Variants in AKT2 observed in about 807,000 individuals in gnomAD.
AKT2 encodes AKT serine/threonine kinase 2.
Under a neutral mutation model 58.6 loss-of-function variants are expected in AKT2, and 16 were observed. The ratio of observed to expected loss-of-function variants is 0.27; its 90% confidence interval spans 0.18 to 0.41. The LOEUF is 0.41. AKT2 is among the 10% of genes least tolerant of loss of function. The probability of loss-of-function intolerance (pLI) is 1.00; values close to 1 mark genes in which losing one functional copy is unlikely to be tolerated. For missense variants in AKT2, 438 were observed against 661.0 expected, an observed-to-expected ratio of 0.66 and a Z score of 3.70; for synonymous variants, 253 against 254.0, an observed-to-expected ratio of 1.00 and a Z score of 0.04.
chr19:40,236,928 G>A lies in AKT2; in HGVS notation c.832-543C>T, dbSNP rs756549821. On this transcript the variant is annotated intron_variant, in intron 9 of 13. Coordinates refer to ENST00000392038, the MANE Select transcript of AKT2 (RefSeq NM_001626.6). ...CACACCTATAGTCCCAGCTACTTGC[G>A]AGGCTGAGGTGGCATCTCCCCCTGG... is the stretch of plus-strand genomic sequence containing the variant. The A allele has an allele frequency of 3.9e-5, 7 of 180,736 alleles. No individual in the cohort carries two copies. The East Asian group carries it at 7.7e-4, about 20-fold the overall frequency. 11.2% of individuals were successfully genotyped at this position (180,736 alleles called of 1,614,324 possible).
At chr19:40,253,844 G>T (rs991781065) in intron 4 of AKT2, among the ~76,000 whole-genome samples, 5 of 151,726 alleles carry the variant, frequency 3.3e-5, no homozygotes, top group African/African-American at 1.2e-4. Flanking sequence ...CTTGGGACAC[G>T]CATGTCCAAC....
chr19:40,266,806 T>A (rs1976389773), intron 1 of AKT2, among the ~76,000 whole-genome samples: 2 of 152,040 alleles, frequency 1.3e-5, no homozygotes, highest in South Asian at 4.1e-4. Flanking sequence ...TACAAAAAAA[T>A]TAAAAATTAA....
intron 1 of AKT2, chr19:40,275,084 G>T (rs1309929494): frequency 2.2e-6 from 1 of 456,760 alleles, no homozygotes; most frequent in Non-Finnish European, 4.4e-6. Flanking sequence ...CCGAGGATGG[G>T]AGAGATTCGG....
chr19:40,276,310 T>C (rs1418717404), intron 1 of AKT2, among the ~76,000 whole-genome samples: 1 of 144,174 alleles, frequency 6.9e-6, no homozygotes, highest in Admixed American at 7.1e-5. Context: ...AGGTCACTTC[T>C]CTGAACCTCA....
chr19:40,245,140 A>T (rs1000286260), intron 4 of AKT2, among the ~76,000 whole-genome samples: 7 of 152,208 alleles, frequency 4.6e-5, no homozygotes, highest in Non-Finnish European at 7.3e-5. Context: ...CGTGAGGTAG[A>T]ATGCCTGTGA....
chr19:40,249,543 T>C (rs1277072434), intron 4 of AKT2, among the ~76,000 whole-genome samples: 1 of 152,154 alleles, frequency 6.6e-6, no homozygotes, highest in East Asian at 1.9e-4. Flanking sequence ...AGGGCTGTCC[T>C]TCATGCACAA....
rs774730543 is a variant in AKT2 at position 40,236,110 on chromosome 19, G to A, written c.961-6C>T. On this transcript the variant is annotated splice_region_variant and splice_polypyrimidine_tract_variant and intron_variant, in intron 10 of 13. Coordinates refer to ENST00000392038, the MANE Select transcript of AKT2 (RefSeq NM_001626.6). ...TAGTCATTGTCCTCCAGCACCTGAG[G>A]ATGGAGGAGAAATGAGGGCTGGGCC... The A allele has an allele frequency of 9.9e-6, 16 of 1,613,908 alleles. No homozygotes were observed. Among genetic ancestry groups the A allele is most frequent in the Non-Finnish European group, 1.4e-5 (16 of 1,180,018 alleles).
Position 40,230,652 on chromosome 19 carries a change from G to A in AKT2, c.*3220C>T, listed in dbSNP as rs919919351. ...CCAAAATGAGTACTCAAGGCCCTGC[G>A]ACCTCGGGTGAATTTCCTTTCTTAT... On this transcript the variant is annotated 3_prime_UTR_variant, in exon 14 of 14. Transcript: ENST00000392038. 1.3e-5 allele frequency: 3 copies of A among 224,332 alleles called. No individual in the cohort carries two copies. Among genetic ancestry groups the A allele is most frequent in the African/African-American group, 4.5e-5 (2 of 44,758 alleles). The allele number at this position is 224,332 out of a possible 1,614,324, so 13.9% of individuals were successfully genotyped here. A position where few individuals can be genotyped will look rare whatever the true frequency, so the allele number is the denominator to read the frequency against.
In AKT2 at chr19:40,238,848, C is replaced by T. The variant is rs890733257; in HGVS notation, c.708+57G>A. 1.0e-5 allele frequency: 16 copies of T among 1,566,554 alleles called. No homozygotes were observed. The East Asian group carries it at 1.1e-4, about 11-fold the overall frequency. The stretch of plus-strand genomic sequence containing the variant: ...TCTCACCCACAGCTCCTCTCCATCC[C>T]GCCCCACCCTAAAGAAGGAGGCCCC... On this transcript the variant is annotated intron_variant, in intron 8 of 13. Coordinates refer to ENST00000392038, the MANE Select transcript of AKT2 (RefSeq NM_001626.6). This position sits in a 1 kb window ranked among gnomAD's most constrained non-coding sequence, Gnocchi z 5.1.
At chr19:40,276,419 G>A (rs1394106290) in intron 1 of AKT2, among the ~76,000 whole-genome samples, 2 of 121,540 alleles carry the variant, frequency 1.6e-5, no homozygotes, top group Non-Finnish European at 3.2e-5. Context: ...AGGCTGGAGT[G>A]CAGTAGTGCG....
intron 1 of AKT2, among the ~76,000 whole-genome samples, chr19:40,283,737 G>A (rs1600127615): frequency 6.6e-6 from 1 of 152,288 alleles, no homozygotes; most frequent in East Asian, 1.9e-4. Context: ...GATCCATGGG[G>A]GATCTGACTG....
chr19:40,262,630 A>G (rs1976048453), intron 2 of AKT2, among the ~76,000 whole-genome samples: 1 of 152,214 alleles, frequency 6.6e-6, no homozygotes, highest in Non-Finnish European at 1.5e-5. Context: ...TGAGAGCACT[A>G]GTTCAGGAGT....
rs200438281 is a variant in AKT2 at position 40,237,951 on chromosome 19, G to C, written c.831+18C>G. 6.2e-7 allele frequency: 1 copy of C among 1,610,352 alleles called. No homozygotes were observed. The highest frequency in any genetic ancestry group is 8.5e-7 in the Non-Finnish European group (1 of 1,179,072). On this transcript the variant is annotated intron_variant, in intron 9 of 13. Coordinates refer to ENST00000392038, the MANE Select transcript of AKT2 (RefSeq NM_001626.6). The surrounding 1 kb of genome is among the most constrained non-coding windows in gnomAD (Gnocchi z 4.5). ...TGTGCATGCCACAGGTCAGCCTGGC[G>C]CACACCCTGCCACTAACCTTGATGT...
chr19:40,238,817 C>A lies in AKT2; in HGVS notation c.708+88G>T, dbSNP rs1022674550. 3.1e-5 allele frequency: 44 copies of A among 1,403,902 alleles called. No individual in the cohort carries two copies. The highest frequency in any genetic ancestry group is 4.1e-5 in the Non-Finnish European group (41 of 990,022). 87.0% of individuals were successfully genotyped at this position (1,403,902 alleles called of 1,614,324 possible). ...GATGACACTGAAATTTCCCTCCACC[C>A]TTCCATCTCACCCACAGCTCCTCTC... On this transcript the variant is annotated intron_variant, in intron 8 of 13. Transcript: ENST00000392038. The surrounding 1 kb of genome is among the most constrained non-coding windows in gnomAD (Gnocchi z 5.1).
chr19:40,237,959 T>C lies in AKT2; in HGVS notation c.831+10A>G, dbSNP rs2145177700. 1 of 1,613,364 alleles carries C rather than the reference T, an allele frequency of 6.2e-7. No homozygotes were observed. The highest frequency in any genetic ancestry group is 1.3e-5 in the African/African-American group (1 of 75,042). ...CCACAGGTCAGCCTGGCGCACACCC[T>C]GCCACTAACCTTGATGTCGCGGTAT... On this transcript the variant is annotated intron_variant, in intron 9 of 13. Coordinates refer to ENST00000392038, the MANE Select transcript of AKT2 (RefSeq NM_001626.6). The surrounding 1 kb of genome is among the most constrained non-coding windows in gnomAD (Gnocchi z 4.5).
chr19:40,271,439 A>C (rs1346836540), intron 1 of AKT2, among the ~76,000 whole-genome samples: 3 of 150,546 alleles, frequency 2.0e-5, no homozygotes, highest in South Asian at 2.1e-4. Flanking sequence ...AAAAAAAAAA[A>C]AAAAAACCAA....
intron 1 of AKT2, among the ~76,000 whole-genome samples, chr19:40,276,255 C>T (rs1373510233): frequency 1.3e-5 from 2 of 150,372 alleles, no homozygotes; most frequent in Non-Finnish European, 3.0e-5. Flanking sequence ...CAAACTCACA[C>T]CTCTAGTCAA....
At chr19:40,255,844 C>A (rs1465658988) in intron 3 of AKT2, among the ~76,000 whole-genome samples, 1 of 152,122 alleles carries the variant, frequency 6.6e-6, no homozygotes, top group Non-Finnish European at 1.5e-5. Flanking sequence ...AGGGAAGAGA[C>A]ACAAACAGAC....
chr19:40,256,949 G>C lies in AKT2; in HGVS notation c.152C>G (p.Pro51Arg), dbSNP rs770250877. ...RPEAPDQTLP[P>R]LNNFSVAECQ... ...ACCTGCTACGGAGAAGTTGTTTAAG[G>C]GGGGTAGAGTCTGATCAGGGGCCTC... Residue 51 changes from proline (P) to arginine (R), a missense_variant, in exon 3 of 14, where the codon CCC becomes CGC. Pro to Arg is a moderately radical substitution (Grantham distance 103). Coordinates refer to ENST00000392038, the MANE Select transcript of AKT2 (RefSeq NM_001626.6). 4 of 1,614,172 alleles carry C rather than the reference G, an allele frequency of 2.5e-6. No individual in the cohort carries two copies. The highest frequency in any genetic ancestry group is 3.4e-6 in the Non-Finnish European group (4 of 1,180,012).
Sources: allele counts gnomAD v4.1 joint callset (sites outside exome capture counted in the v4.1 genomes callset), GRCh38; gene constraint gnomAD v4.1.1; non-coding constraint Gnocchi (gnomAD v3.1); transcripts MANE v1.5; gene names NCBI Gene and HGNC (gene_info 2026-07-23, HGNC 2026-07-21).